The following TEX264 variants were observed in gnomAD, a reference collection of about 807,000 sequenced individuals.
TEX264 encodes testis-expressed protein 264.
TEX264 carries 13 observed loss-of-function variants against 23.4 expected under a neutral mutation model. The ratio of observed to expected loss-of-function variants is 0.56; its 90% CI spans 0.36 to 0.88. The LOEUF (loss-of-function observed/expected upper bound fraction) is 0.88. TEX264 is among the 40% of genes least tolerant of loss of function. The pLI, the probability that TEX264 is intolerant of heterozygous loss-of-function variation, is 0.01. For missense variants in TEX264, 340 were observed against 406.8 expected, an observed-to-expected ratio of 0.84 and a Z score of 1.41; for synonymous variants, 159 against 170.0, an observed-to-expected ratio of 0.94 and a Z score of 0.50.
chr3:51,684,368 C>G, intron 2 of TEX264, 45 bp from the exon 3 acceptor site: 7 of 1,589,394 alleles, frequency 4.4e-6, no homozygotes, highest in Non-Finnish European at 6.0e-6. Context: ...GTCTGAGGGC[C>G]TCCTTCCTTT....
At chr3:51,694,012 TTCCTTCCTTCCTTCCTTCCTTCCTTC>T (rs1702933612) in intron 3 of TEX264, among the ~76,000 whole-genome samples, 1 of 128,862 alleles carries the variant, frequency 7.8e-6, no homozygotes, top group African/African-American at 3.5e-5. Context: ...CCTTCCTTCC[TTCCTTCCTTCCTTCCTTCCTTCCTTC>T]CTTCCTTCCT....
rs370858602 is a variant in TEX264 at position 51,690,527 on chromosome 3, C to T, written c.480+5893C>T. Among the ~76,000 whole-genome samples the T allele has an allele frequency of 2.7e-5, 4 of 146,030 alleles. No individual in the cohort carries two copies. The South Asian group carries it at 6.4e-4, about 24-fold the overall frequency. Reference sequence around the variant, plus strand: ...GAGCTGAGATCACGACACTGATCTCCAGCCTGGGTGACAGAGCAAGACTCC... The same window carrying T: ...GAGCTGAGATCACGACACTGATCTCTAGCCTGGGTGACAGAGCAAGACTCC... On this transcript the variant is annotated intron_variant, in intron 3 of 4. Coordinates refer to ENST00000341333, the MANE Select transcript of TEX264 (RefSeq NM_015926.6).
chr3:51,677,912 G>T (rs1162519924), intron 2 of TEX264, among the ~76,000 whole-genome samples: 2 of 152,170 alleles, frequency 1.3e-5, no homozygotes, highest in Non-Finnish European at 1.5e-5. Flanking sequence ...TGGGAAGGTG[G>T]GGAAGAAGTC....
At chr3:51,692,276 G>C (rs1702856675) in intron 3 of TEX264, among the ~76,000 whole-genome samples, 1 of 152,176 alleles carries the variant, frequency 6.6e-6, no homozygotes, top group Non-Finnish European at 1.5e-5. Context: ...CAGGAAGCTT[G>C]AGATTGGAAT....
At chr3:51,688,735 G>C (rs1358443199) in intron 3 of TEX264, among the ~76,000 whole-genome samples, 1 of 152,180 alleles carries the variant, frequency 6.6e-6, no homozygotes, top group African/African-American at 2.4e-5. Flanking sequence ...AAGCGTGTAA[G>C]TAAGGAGGGG....
chr3:51,693,610 G>C (rs963548344), intron 3 of TEX264, among the ~76,000 whole-genome samples: 1 of 151,364 alleles, frequency 6.6e-6, no homozygotes. Flanking sequence ...CTCCCAAGTA[G>C]CTGGGACTAC....
chr3:51,673,163 C>T (rs575961447), intron 1 of TEX264, among the ~76,000 whole-genome samples: 11 of 152,278 alleles, frequency 7.2e-5, no homozygotes, highest in African/African-American at 2.4e-4. Flanking sequence ...TGCAGCGTGG[C>T]CTTTTTAGCT....
intron 3 of TEX264, among the ~76,000 whole-genome samples, chr3:51,687,067 C>G (rs1702647411): frequency 6.6e-6 from 1 of 152,200 alleles, no homozygotes; most frequent in Non-Finnish European, 1.5e-5. Flanking sequence ...GGGAGCCTGT[C>G]AGCTGTGCTC....
At chr3:51,692,010 C>T (rs1294532114) in intron 3 of TEX264, among the ~76,000 whole-genome samples, 10 of 152,210 alleles carry the variant, frequency 6.6e-5, no homozygotes, top group Admixed American at 6.5e-4. Context: ...TGCTCCTTAG[C>T]CTCTCTGGCT....
In TEX264 at chr3:51,686,023, G is replaced by A. The variant is rs1219300085; in HGVS notation, c.480+1389G>A. Among the ~76,000 whole-genome samples the A allele has an allele frequency of 6.6e-6, 1 of 152,182 alleles. No individual in the cohort carries two copies. The highest frequency in any genetic ancestry group is 1.5e-5 in the Non-Finnish European group (1 of 68,026). On this transcript the variant is annotated intron_variant, in intron 3 of 4. Transcript: ENST00000341333. The surrounding 1 kb of genome is among the most constrained non-coding windows in gnomAD (Gnocchi z 4.1). ...TTCACTGACATGTGGGGAACTGAGGGAGGCCCTGGTTTTGGGGGGAAGGTA... is the reference window on the plus strand; with the variant it reads ...TTCACTGACATGTGGGGAACTGAGGAAGGCCCTGGTTTTGGGGGGAAGGTA...
At chr3:51,675,376 G>C (rs1375067687) in intron 2 of TEX264, among the ~76,000 whole-genome samples, 5 of 152,174 alleles carry the variant, frequency 3.3e-5, no homozygotes, top group African/African-American at 4.8e-5. Flanking sequence ...GCCAAACCAA[G>C]CATTTGGAAT....
At chr3:51,685,870 A>G (rs143271857) in intron 3 of TEX264, among the ~76,000 whole-genome samples, 125 of 152,304 alleles carry the variant, frequency 8.2e-4, no homozygotes, top group Non-Finnish European at 1.3e-3. Flanking sequence ...GAGATTTACA[A>G]TCACTTTTGG....
chr3:51,699,486 G>C lies in TEX264; in HGVS notation c.561G>C (p.Gln187His), dbSNP rs749215563. 1 of 1,614,128 alleles carries C rather than the reference G, an allele frequency of 6.2e-7. No individual in the cohort carries two copies. The highest frequency in any genetic ancestry group is 8.5e-7 in the Non-Finnish European group (1 of 1,179,960). Residue 187 changes from glutamine to histidine, a missense_variant, in exon 4 of 5, where the codon CAG becomes CAC. Gln to His is a conservative substitution (Grantham distance 24). Coordinates refer to ENST00000341333, the MANE Select transcript of TEX264 (RefSeq NM_015926.6). ...QIHFMCPLAR[Q>H]GDFYVPEMKE... is the part of the protein sequence containing the mutation. ...ATTTCATGTGCCCACTGGCACGGCA[G>C]GGAGACTTCTATGTGCCTGAGATGA...
At chr3:51,695,405 A>G (rs913276388) in intron 3 of TEX264, among the ~76,000 whole-genome samples, 1 of 152,222 alleles carries the variant, frequency 6.6e-6, no homozygotes, top group African/African-American at 2.4e-5. Flanking sequence ...AGTGGGACCC[A>G]TCATCAGCCT....
intron 2 of TEX264, among the ~76,000 whole-genome samples, chr3:51,678,926 C>T (rs1379061538): frequency 6.6e-6 from 1 of 152,312 alleles, no homozygotes; most frequent in Non-Finnish European, 1.5e-5. Flanking sequence ...TGGGATGTTT[C>T]CTGAGGGCTC....
Position 51,703,617 on chromosome 3 carries a change from C to G in TEX264, c.650-107C>G. On this transcript the variant is annotated intron_variant, in intron 4 of 4. Coordinates refer to ENST00000341333, the MANE Select transcript of TEX264 (RefSeq NM_015926.6). This position sits in a 1 kb window ranked among gnomAD's most constrained non-coding sequence, Gnocchi z 4.8. ...GGCAGCTGGAGCAAGCCCCCTGAGC[C>G]CGGGAGGCTGCATTATTCATGAGTG... 1 of 1,211,566 alleles carries G rather than the reference C, an allele frequency of 8.3e-7. No individual in the cohort carries two copies. Among genetic ancestry groups the G allele is most frequent in the East Asian group, 2.4e-5 (1 of 41,596 alleles). 75.1% of individuals were successfully genotyped at this position (1,211,566 alleles called of 1,614,324 possible).
intron 4 of TEX264, among the ~76,000 whole-genome samples, chr3:51,699,907 G>A (rs747446543): frequency 6.6e-6 from 1 of 152,182 alleles, no homozygotes; most frequent in Non-Finnish European, 1.5e-5. Flanking sequence ...AGGGGGCTGA[G>A]GCTGCTCAGG....
At chr3:51,682,937 T>G (rs1428916476) in intron 2 of TEX264, 1 of 152,270 alleles carries the variant, frequency 6.6e-6, no homozygotes, top group Non-Finnish European at 1.5e-5. Context: ...AGGCCTGGGT[T>G]GGCCTGAGTA....
intron 3 of TEX264, among the ~76,000 whole-genome samples, chr3:51,689,559 A>G (rs1219851588): frequency 1.3e-5 from 2 of 151,872 alleles, no homozygotes; most frequent in Non-Finnish European, 2.9e-5. Context: ...CCCTGTGGCT[A>G]TCAGCCTGTG....
Sources: gnomAD v4.1 joint callset for allele counts (sites outside exome capture counted in the v4.1 genomes callset) on GRCh38, gnomAD v4.1.1 for gene constraint, Gnocchi (gnomAD v3.1) non-coding constraint, MANE v1.5 for transcripts, NCBI Gene and HGNC (gene_info 2026-07-23, HGNC 2026-07-21) for gene names.